The following SHANK1 variants were observed in gnomAD, a reference collection of about 807,000 sequenced individuals.
The protein encoded by SHANK1 is SH3 and multiple ankyrin repeat domains protein 1.
A neutral mutation model predicts 165.6 loss-of-function variants in SHANK1; 35 were observed. The ratio of observed to expected loss-of-function variants is 0.21; its 90% CI spans 0.16 to 0.28. The LOEUF (loss-of-function observed/expected upper bound fraction) is 0.28. SHANK1 is among the 10% of genes least tolerant of loss of function. SHANK1 has a pLI of 1.00. For synonymous variants in SHANK1, 1,428 were observed against 1,384.8 expected, an observed-to-expected ratio of 1.03 and a Z score of -0.69; for missense variants, 2,681 against 3,036.4, an observed-to-expected ratio of 0.88 and a Z score of 2.75.
chr19:50,673,807 A>G (rs764805789), intron 21 of SHANK1, among the ~76,000 whole-genome samples: 1 of 140,488 alleles, frequency 7.1e-6, no homozygotes, highest in Non-Finnish European at 1.6e-5. Flanking sequence ...AAGTCATAAA[A>G]TTTAAACTTT....
intron 8 of SHANK1, among the ~76,000 whole-genome samples, chr19:50,707,762 A>G (rs1015029868): frequency 1.7e-4 from 26 of 152,048 alleles, no homozygotes; most frequent in African/African-American, 2.4e-5. Flanking sequence ...CAGCAGAGTT[A>G]GCCCAGTGTG....
Position 50,668,547 on chromosome 19 carries a change from G to C in SHANK1, c.3413C>G (p.Pro1138Arg). Residue 1138 changes from proline (P) to arginine (R), a missense_variant, in exon 23 of 24, where the codon CCG (proline) becomes CGG (arginine). Physicochemically the swap from Pro to Arg is moderately radical, Grantham distance 103. Transcript: ENST00000293441. ...PAPSPTSPAS[P>R]QPPPAVAAPS... Reference sequence around the variant, plus strand: ...CGCGGCCACGGCGGGCGGCGGCTGCGGGGAGGCCGGGGACGTGGGCGACGG... The same window carrying C: ...CGCGGCCACGGCGGGCGGCGGCTGCCGGGAGGCCGGGGACGTGGGCGACGG... 1 of 1,351,982 alleles carries C rather than the reference G, an allele frequency of 7.4e-7. No individual in the cohort carries two copies. The highest frequency in any genetic ancestry group is 9.5e-7 in the Non-Finnish European group (1 of 1,052,942). The allele number at this position is 1,351,982 out of a possible 1,614,324, so 83.7% of individuals were successfully genotyped here. A position where few individuals can be genotyped will look rare whatever the true frequency, so the allele number is the denominator to read the frequency against.
Position 50,714,296 on chromosome 19 carries a change from C to T in SHANK1, c.532-6G>A, listed in dbSNP as rs1428869212. On this transcript the variant is annotated splice_region_variant and splice_polypyrimidine_tract_variant and intron_variant, in intron 4 of 23. Coordinates refer to ENST00000293441, the MANE Select transcript of SHANK1 (RefSeq NM_016148.5). ...AGGAACTTCTTCAACCCCGTCTGAG[C>T]CATGGGCAAAGAGAGAGAAGACAGG... is the stretch of plus-strand genomic sequence containing the variant. 1 of 1,613,240 alleles carries T rather than the reference C, an allele frequency of 6.2e-7. No individual in the cohort carries two copies. The highest frequency in any genetic ancestry group is 1.7e-5 in the Admixed American group (1 of 59,982).
rs2089043706 is a variant in SHANK1, at chr19:50,714,272, G to A, written c.550C>T (p.Leu184=). 1 of 1,614,020 alleles carries A rather than the reference G, an allele frequency of 6.2e-7. No individual in the cohort carries two copies. Among genetic ancestry groups the A allele is most frequent in the South Asian group, 1.1e-5 (1 of 91,090 alleles). The change falls in exon 5 of 24, where the codon CTG becomes TTG. Residue 184 remains leucine (L), a synonymous_variant. Coordinates refer to ENST00000293441, the MANE Select transcript of SHANK1 (RefSeq NM_016148.5). ...LHTKTGLKKF[L]EYVQLGTSDK... Reference sequence around the variant, plus strand: ...GATGTCCCGAGCTGCACATACTCCAGGAACTTCTTCAACCCCGTCTGAGCC... The same window carrying A: ...GATGTCCCGAGCTGCACATACTCCAAGAACTTCTTCAACCCCGTCTGAGCC...
In SHANK1 at chr19:50,686,856, G is replaced by T; in HGVS notation, c.2390-44C>A. On this transcript the variant is annotated intron_variant, in intron 19 of 23. Coordinates refer to ENST00000293441, the MANE Select transcript of SHANK1 (RefSeq NM_016148.5). The surrounding 1 kb of genome is among the most constrained non-coding windows in gnomAD (Gnocchi z 5.7). ...GATGACGCCCAGGGAGCCCCCGGGG[G>T]CGGGGCGGAGCGGGCTCGGCCTGTG... is the stretch of plus-strand genomic sequence containing the variant. 6.2e-7 allele frequency: 1 copy of T among 1,607,066 alleles called. No individual in the cohort carries two copies. The highest frequency in any genetic ancestry group is 8.5e-7 in the Non-Finnish European group (1 of 1,175,002).
At chr19:50,663,868 G>A (rs1985368598) in intron 23 of SHANK1, among the ~76,000 whole-genome samples, 1 of 151,282 alleles carries the variant, frequency 6.6e-6, no homozygotes, top group Non-Finnish European at 1.5e-5. Context: ...TATTTTTACA[G>A]CGTAGGAGCA....
intron 21 of SHANK1, among the ~76,000 whole-genome samples, chr19:50,674,813 G>A (rs1393782962): frequency 6.6e-6 from 1 of 152,200 alleles, no homozygotes; most frequent in East Asian, 1.9e-4. Flanking sequence ...TGTAATCCCA[G>A]CACTTCGGGA....
intron 23 of SHANK1, among the ~76,000 whole-genome samples, chr19:50,665,639 GT>G (rs1985458725): frequency 6.9e-6 from 1 of 144,388 alleles, no homozygotes; most frequent in Non-Finnish European, 1.5e-5. Context: ...TGCACCTATA[GT>G]CCCAGAGGAT....
At chr19:50,698,183 C>CTG (rs56893891) in intron 12 of SHANK1, among the ~76,000 whole-genome samples, 13,879 of 152,188 alleles carry the variant, frequency 0.091, 1,508 homozygotes, top group African/African-American at 0.26. Context: ...GGGAAGACGA[C>CTG]TGTTCCATAA....
intron 8 of SHANK1, among the ~76,000 whole-genome samples, chr19:50,706,189 G>A (rs2088937276): frequency 6.6e-6 from 1 of 151,726 alleles, no homozygotes; most frequent in African/African-American, 2.4e-5. Context: ...GGGGCTCAAG[G>A]TCACACAGCT....
Position 50,702,758 on chromosome 19 carries a change from A to G in SHANK1, c.1554-98T>C, listed in dbSNP as rs112051237. The G allele has an allele frequency of 2.7e-3, 1,324 of 482,576 alleles. No homozygotes were observed. Among genetic ancestry groups the G allele is most frequent in the Non-Finnish European group, 3.8e-3 (1,062 of 280,632 alleles). The allele number at this position is 482,576 out of a possible 1,614,324, so 29.9% of individuals were successfully genotyped here. ...GGGTGGGGGAAGAGGACGGTGCATCAGGGGGGAGGGGGGGTTTCCCAGCAC... is the reference window on the plus strand; with the variant it reads ...GGGTGGGGGAAGAGGACGGTGCATCGGGGGGGAGGGGGGGTTTCCCAGCAC... On this transcript the variant is annotated intron_variant, in intron 11 of 23. Transcript: ENST00000293441. The surrounding 1 kb of genome is among the most constrained non-coding windows in gnomAD (Gnocchi z 5.3).
At chr19:50,707,358 A>G (rs1438238520) in intron 8 of SHANK1, among the ~76,000 whole-genome samples, 1 of 151,598 alleles carries the variant, frequency 6.6e-6, no homozygotes, top group African/African-American at 2.4e-5. Flanking sequence ...CTCCAGCTCA[A>G]CTCTACCCCA....
rs774396447 is a variant in SHANK1 at position 50,693,724 on chromosome 19, C to T, written c.1964+3372G>A. 9.3e-4 allele frequency among the ~76,000 whole-genome samples: 141 copies of T among 152,244 alleles called. No individual in the cohort carries two copies. In the Middle Eastern group the frequency reaches 0.014, roughly 15 times the overall value. ...GAGGCCACCACAGAGGGACGCCAGC[C>T]CCCCTCCCCATGCTGAGAAGTGGCA... On this transcript the variant is annotated intron_variant, in intron 15 of 23. Transcript: ENST00000293441.
At chr19:50,704,548 G>A (rs1205000188) in intron 8 of SHANK1, 34 bp from the exon 9 acceptor site, 1 of 1,587,878 alleles carries the variant, frequency 6.3e-7, no homozygotes, top group African/African-American at 1.3e-5. Context: ...AGGACAAAGA[G>A]AGAGAGAAAA....
In SHANK1 at chr19:50,686,605, C is replaced by A; in HGVS notation, c.2458+139G>T. On this transcript the variant is annotated intron_variant, in intron 20 of 23. Coordinates refer to ENST00000293441, the MANE Select transcript of SHANK1 (RefSeq NM_016148.5). This position sits in a 1 kb window ranked among gnomAD's most constrained non-coding sequence, Gnocchi z 5.7. ...GGGGCAGCCGTCGGGAGAGGGCGGG[C>A]GGAGGGAGGGGAGGTGGGATCGCAG... The A allele has an allele frequency of 1.4e-6, 1 of 694,924 alleles. No homozygotes were observed. The highest frequency in any genetic ancestry group is 1.8e-5 in the South Asian group (1 of 56,148). The allele number at this position is 694,924 out of a possible 1,614,324, so 43.0% of individuals were successfully genotyped here.
chr19:50,703,013 G>A (rs1161300752), intron 11 of SHANK1, among the ~76,000 whole-genome samples: 5 of 152,256 alleles, frequency 3.3e-5, no homozygotes, highest in South Asian at 2.1e-4. Context: ...TCCTCTGCCC[G>A]CCGTTGCCAG....
Position 50,661,754 on chromosome 19 carries a change from CA to C in SHANK1, c.*210del. 5.0e-6 allele frequency: 3 copies of C among 595,232 alleles called. No individual in the cohort carries two copies. Among genetic ancestry groups the C allele is most frequent in the South Asian group, 2.0e-5 (1 of 50,294 alleles). The allele number at this position is 595,232 out of a possible 1,614,324, so 36.9% of individuals were successfully genotyped here. On this transcript the variant is annotated 3_prime_UTR_variant, in exon 24 of 24. Coordinates refer to ENST00000293441, the MANE Select transcript of SHANK1 (RefSeq NM_016148.5). ...GCTCCCCGCTTCACACACACACACA[CA>C]CTCTTGTGTCAGCTGCCCCCCTTCA...
In SHANK1 at chr19:50,669,036, G is replaced by T. The variant is rs1423584826; in HGVS notation, c.2924C>A (p.Pro975His). ...GCGGCTCCCCACGCGAGTGTCGGGAGGGGAGGGCCCGTCAAAGGATGCAGG... is the reference window on the plus strand; with the variant it reads ...GCGGCTCCCCACGCGAGTGTCGGGATGGGAGGGCCCGTCAAAGGATGCAGG... ...SSPASFDGPS[P>H]PDTRVGSREK... Residue 975 changes from proline to histidine, a missense_variant, in exon 23 of 24, where the codon CCT becomes CAT. Around this residue, in one of 10 missense-constraint regions of SHANK1, gnomAD observed 1,713 missense variants for 1,630.2 expected, o/e 1.05. Coordinates refer to ENST00000293441, the MANE Select transcript of SHANK1 (RefSeq NM_016148.5). 1.1e-6 allele frequency: 1 copy of T among 874,186 alleles called. No homozygotes were observed. The allele number at this position is 874,186 out of a possible 1,614,324, so 54.2% of individuals were successfully genotyped here. A position where few individuals can be genotyped will look rare whatever the true frequency, so the allele number is the denominator to read the frequency against.
intron 23 of SHANK1, among the ~76,000 whole-genome samples, chr19:50,664,615 T>C (rs1985405870): frequency 6.6e-6 from 1 of 152,202 alleles, no homozygotes; most frequent in South Asian, 2.1e-4. Flanking sequence ...GAAGGTGGGC[T>C]CTAGAACCAC....
Sources: allele counts gnomAD v4.1 joint callset (sites outside exome capture counted in the v4.1 genomes callset), GRCh38; gene constraint gnomAD v4.1.1; regional missense constraint gnomAD v4.1.1; non-coding constraint Gnocchi (gnomAD v3.1); transcripts MANE v1.5; gene names NCBI Gene and HGNC (gene_info 2026-07-23, HGNC 2026-07-21).